PTPRD: variants seen among roughly 807,000 people sequenced by gnomAD.
PTPRD encodes the protein receptor-type tyrosine-protein phosphatase delta.
A neutral mutation model predicts 214.5 loss-of-function variants in PTPRD; 34 were observed. That is an observed-to-expected ratio of 0.16 (90% CI 0.12 to 0.21). The LOEUF is 0.21. Among genes scored for constraint, PTPRD ranks in the 10% least tolerant of loss-of-function variants. The pLI is 1.00. For synonymous variants in PTPRD, 1,128 were observed against 845.7 expected (o/e 1.33, Z -5.79); for missense variants, 2,545 against 2,398.7 (o/e 1.06, Z -1.27).
intron 8 of PTPRD, among the ~76,000 whole-genome samples, chr9:9,455,796 T>C (rs2092906511): frequency 6.6e-6 from 1 of 151,894 alleles, no homozygotes; most frequent in East Asian, 1.9e-4. Context: ...AATAAGCTAC[T>C]GTGAAATAGT....
intron 9 of PTPRD, among the ~76,000 whole-genome samples, chr9:9,240,659 T>C (rs1282892362): frequency 1.3e-5 from 2 of 152,180 alleles, no homozygotes; most frequent in Admixed American, 1.3e-4. Flanking sequence ...ATGGAAGCAT[T>C]GTTGAACAGT....
At chr9:10,189,220 C>G (rs992060935) in intron 3 of PTPRD, among the ~76,000 whole-genome samples, 2 of 152,112 alleles carry the variant, frequency 1.3e-5, no homozygotes, top group African/African-American at 4.8e-5. Context: ...TAGGAAAGGT[C>G]TGGGGAATTT....
intron 4 of PTPRD, among the ~76,000 whole-genome samples, chr9:9,974,804 C>T (rs1213642656): frequency 6.6e-6 from 1 of 152,078 alleles, no homozygotes; most frequent in East Asian, 1.9e-4. Context: ...TATTTGTTGA[C>T]ACAGTAAATA....
chr9:10,568,820 C>T (rs570318052), intron 2 of PTPRD, among the ~76,000 whole-genome samples: 12 of 152,116 alleles, frequency 7.9e-5, no homozygotes, highest in African/African-American at 2.6e-4. Context: ...ATAAAATCCC[C>T]AGAAGAAAAC....
At chr9:9,567,478 A>G (rs756465174) in intron 8 of PTPRD, among the ~76,000 whole-genome samples, 26 of 152,122 alleles carry the variant, frequency 1.7e-4, no homozygotes, top group African/African-American at 5.5e-4. Flanking sequence ...GATGTAAACA[A>G]TAACAATTGC....
At chr9:10,146,893 T>C (rs1325129180) in intron 3 of PTPRD, among the ~76,000 whole-genome samples, 1 of 152,110 alleles carries the variant, frequency 6.6e-6, no homozygotes, top group Non-Finnish European at 1.5e-5. Flanking sequence ...TCCAATATAT[T>C]TGGGGAAGCT....
At chr9:8,366,930 T>C (rs945293116) in intron 39 of PTPRD, among the ~76,000 whole-genome samples, 4 of 152,218 alleles carry the variant, frequency 2.6e-5, no homozygotes, top group Admixed American at 6.5e-5. Context: ...GCAAAAATAT[T>C]TTTGGAACTC....
chr9:9,609,680 C>T (rs1489273396), intron 7 of PTPRD, among the ~76,000 whole-genome samples: 1 of 152,160 alleles, frequency 6.6e-6, no homozygotes, highest in Non-Finnish European at 1.5e-5. Context: ...CCAGGCTGGT[C>T]TGGATCTCCC....
At chr9:10,123,745 C>T (rs1331786053) in intron 3 of PTPRD, among the ~76,000 whole-genome samples, 5 of 152,122 alleles carry the variant, frequency 3.3e-5, no homozygotes. Flanking sequence ...CGTCTTTCCC[C>T]AAACTGATGC....
chr9:10,076,912 G>A (rs534820671), intron 3 of PTPRD, among the ~76,000 whole-genome samples: 1 of 152,240 alleles, frequency 6.6e-6, no homozygotes, highest in African/African-American at 2.4e-5. Context: ...AGTAGATGTT[G>A]CAGCACCAAT....
chr9:8,797,282 T>C (rs1453845570), intron 11 of PTPRD: 1 of 152,202 alleles, frequency 6.6e-6, no homozygotes. Flanking sequence ...AGAGATTTAC[T>C]CCTAGTTCTT....
At chr9:9,410,927 G>C (rs912622610) in intron 8 of PTPRD, among the ~76,000 whole-genome samples, 1 of 152,162 alleles carries the variant, frequency 6.6e-6, no homozygotes, top group African/African-American at 2.4e-5. Flanking sequence ...GTGATGTTCA[G>C]TGACCTAAAT....
At chr9:8,868,606 G>A (rs553406971) in intron 11 of PTPRD, among the ~76,000 whole-genome samples, 13 of 152,178 alleles carry the variant, frequency 8.5e-5, no homozygotes, top group Middle Eastern at 3.2e-3. Flanking sequence ...AAAATCACTA[G>A]ACTAGATTAT....
chr9:8,729,634 C>T (rs1295026793), intron 12 of PTPRD, among the ~76,000 whole-genome samples: 1 of 152,144 alleles, frequency 6.6e-6, no homozygotes, highest in East Asian at 1.9e-4. Flanking sequence ...TCATGACCAT[C>T]ACCGTCATCC....
chr9:10,047,297 G>GATA (rs149790763), intron 3 of PTPRD, among the ~76,000 whole-genome samples: 57,887 of 130,686 alleles, frequency 0.44, 11,557 homozygotes, highest in African/African-American at 0.55. Flanking sequence ...GTAAAATGAA[G>GATA]ATAAAATCAA....
At chr9:9,559,132 G>A (rs886777308) in intron 8 of PTPRD, among the ~76,000 whole-genome samples, 1 of 152,176 alleles carries the variant, frequency 6.6e-6, no homozygotes, top group Non-Finnish European at 1.5e-5. Flanking sequence ...TGAGCCTAGA[G>A]GGCAGCATAT....
At chr9:8,329,930 TG>T (rs1838128307) in intron 44 of PTPRD, among the ~76,000 whole-genome samples, 1 of 54,748 alleles carries the variant, frequency 1.8e-5, no homozygotes, top group Admixed American at 2.2e-4. Context: ...TTCAAGCCAG[TG>T]GATCGTATCT....
intron 11 of PTPRD, among the ~76,000 whole-genome samples, chr9:8,772,295 C>T (rs2095262659): frequency 6.6e-6 from 1 of 152,058 alleles, no homozygotes. Context: ...ATTTTCACCT[C>T]AGACAGTGTA....
At chr9:9,156,946 G>A (rs2154492125) in intron 10 of PTPRD, among the ~76,000 whole-genome samples, 1 of 152,272 alleles carries the variant, frequency 6.6e-6, no homozygotes, top group East Asian at 1.9e-4. Context: ...TTGCTTCTTA[G>A]GAACAATTCC....
Sources: gnomAD v4.1 joint callset for allele counts (sites outside exome capture counted in the v4.1 genomes callset) on GRCh38, gnomAD v4.1.1 for gene constraint, MANE v1.5 for transcripts, NCBI Gene and HGNC (gene_info 2026-07-23, HGNC 2026-07-21) for gene names.